THTPA: variants seen among roughly 807,000 people sequenced by gnomAD.
THTPA encodes the protein thiamine-triphosphatase.
Under a neutral mutation model 16.5 loss-of-function variants are expected in THTPA, and 16 were observed. The observed-to-expected ratio is 0.97, with a 90% CI of 0.66 to 1.47. The LOEUF is 1.47. Among genes scored for constraint, THTPA ranks in the 40% most tolerant of loss-of-function variants. The probability of loss-of-function intolerance (pLI) is 0.00; values close to 1 mark genes in which losing one functional copy is unlikely to be tolerated. For missense variants in THTPA, 281 were observed against 280.9 expected, an observed-to-expected ratio of 1.00 and a Z score of 0.00; for synonymous variants, 110 against 115.5, an observed-to-expected ratio of 0.95 and a Z score of 0.30.
At chr14:23,541,993 T>C in the THTPA span, among the ~76,000 whole-genome samples, 182 of 152,140 alleles carry the variant, frequency 1.2e-3, 6 homozygotes, top group Admixed American at 7.2e-4. Flanking sequence ...AGAACGAGTA[T>C]GGCAGGGAAT....
At chr14:23,546,059 G>A in the THTPA span, among the ~76,000 whole-genome samples, 1 of 152,184 alleles carries the variant, frequency 6.6e-6, no homozygotes, top group African/African-American at 2.4e-5. This position sits in a 1 kb window ranked among gnomAD's most constrained non-coding sequence, Gnocchi z 4.7. Context: ...GGAGGCACTA[G>A]GGAAATGTGC....
chr14:23,530,020 G>C, the THTPA span: 2 of 1,227,352 alleles, frequency 1.6e-6, no homozygotes, highest in Middle Eastern at 2.0e-4. Context: ...AATCAGTTTT[G>C]CTCCTTGAGC....
the THTPA span, among the ~76,000 whole-genome samples, chr14:23,516,459 A>T: frequency 6.6e-6 from 1 of 152,200 alleles, no homozygotes; most frequent in Non-Finnish European, 1.5e-5. Flanking sequence ...ACTTGTTAGA[A>T]CAATGATCCT....
At chr14:23,533,565 A>G in the THTPA span, 1 of 1,536,506 alleles carries the variant, frequency 6.5e-7, no homozygotes, top group South Asian at 1.2e-5. The surrounding 1 kb of genome is among the most constrained non-coding windows in gnomAD (Gnocchi z 4.8). Flanking sequence ...CAGAGGTCAT[A>G]TGGATGCGCA....
chr14:23,532,701 C>A, the THTPA span: 1 of 1,532,244 alleles, frequency 6.5e-7, no homozygotes, highest in Non-Finnish European at 8.7e-7. Flanking sequence ...GGAGCCCCAT[C>A]TCCCAGGGAT....
the THTPA span, chr14:23,521,449 T>C: frequency 6.5e-6 from 1 of 154,318 alleles, no homozygotes; most frequent in Non-Finnish European, 1.4e-5. Context: ...AGTGGCGAAG[T>C]TTGTTTTCCT....
Position 23,560,171 on chromosome 14 carries a change from C to A in THTPA, c.*1331C>A. ...CTCCAGATGACTCAATCCCATCTCA[C>A]ACTGTCTCCCACCCACCTCCTCCAC... On this transcript the variant is annotated 3_prime_UTR_variant, in exon 2 of 2. Coordinates refer to ENST00000288014, the MANE Select transcript of THTPA (RefSeq NM_024328.6). 1 of 1,540,104 alleles carries A rather than the reference C, an allele frequency of 6.5e-7. No homozygotes were observed. Among genetic ancestry groups the A allele is most frequent in the South Asian group, 1.2e-5 (1 of 85,030 alleles).
chr14:23,528,653 C>T, the THTPA span: 1 of 985,442 alleles, frequency 1.0e-6, no homozygotes, highest in East Asian at 1.1e-4. Flanking sequence ...GCCAGCTCAT[C>T]CTCCCTCAGG....
the THTPA span, chr14:23,529,622 A>G: frequency 7.7e-7 from 1 of 1,304,216 alleles, no homozygotes; most frequent in Non-Finnish European, 1.1e-6. Flanking sequence ...TCAAAGCATG[A>G]CAAAATTACG....
chr14:23,534,449 C>T, the THTPA span: 3 of 1,536,490 alleles, frequency 2.0e-6, no homozygotes, highest in South Asian at 3.6e-5. The surrounding 1 kb of genome is among the most constrained non-coding windows in gnomAD (Gnocchi z 4.5). Flanking sequence ...AGTTTTGGCT[C>T]CAGAAAGCTT....
At chr14:23,537,748 A>G in the THTPA span, among the ~76,000 whole-genome samples, 1 of 152,160 alleles carries the variant, frequency 6.6e-6, no homozygotes, top group South Asian at 2.1e-4. Context: ...GTTGAGGGAG[A>G]AAGGTATTCC....
the THTPA span, chr14:23,527,913 T>TC: frequency 2.8e-6 from 3 of 1,059,166 alleles, no homozygotes; most frequent in East Asian, 5.2e-5. Context: ...TTTTTTTTTT[T>TC]TTTTTTTTTT....
the THTPA span, among the ~76,000 whole-genome samples, chr14:23,539,236 G>C: frequency 6.6e-6 from 1 of 152,212 alleles, no homozygotes; most frequent in Admixed American, 6.5e-5. Context: ...CTCTTCCTCT[G>C]TCCAGACCCA....
At chr14:23,525,170 A>G in the THTPA span, 5 of 1,536,008 alleles carry the variant, frequency 3.3e-6, no homozygotes, top group Admixed American at 3.9e-5. This position sits in a 1 kb window ranked among gnomAD's most constrained non-coding sequence, Gnocchi z 5.9. Context: ...GCCGGCAGGC[A>G]CCAGGGGAGG....
the THTPA span, chr14:23,532,403 T>A: frequency 3.4e-5 from 27 of 804,160 alleles, no homozygotes; most frequent in South Asian, 1.3e-4. Flanking sequence ...TTTCTCCATG[T>A]CTGTCACTTT....
chr14:23,534,475 C>G, the THTPA span: 1 of 1,536,152 alleles, frequency 6.5e-7, no homozygotes, highest in East Asian at 2.4e-5. This position sits in a 1 kb window ranked among gnomAD's most constrained non-coding sequence, Gnocchi z 4.5. Flanking sequence ...GGCCTTGCAG[C>G]CTTCATCTCC....
chr14:23,554,526 A>G (rs895242480), upstream of THTPA, among the ~76,000 whole-genome samples: 6 of 150,652 alleles, frequency 4.0e-5, no homozygotes, highest in African/African-American at 1.2e-4. Context: ...ACAGGCATGC[A>G]CTACCACACC....
At chr14:23,516,810 C>A in the THTPA span, among the ~76,000 whole-genome samples, 1 of 152,180 alleles carries the variant, frequency 6.6e-6, no homozygotes, top group Non-Finnish European at 1.5e-5. Context: ...GAAATGAGCA[C>A]AGCATGGGTC....
At chr14:23,525,027 C>A in the THTPA span, 1 of 1,536,230 alleles carries the variant, frequency 6.5e-7, no homozygotes, top group Non-Finnish European at 8.7e-7. The surrounding 1 kb of genome is among the most constrained non-coding windows in gnomAD (Gnocchi z 5.9). Flanking sequence ...CACACCACCA[C>A]CACACGGCTA....
Sources: allele counts gnomAD v4.1 joint callset (sites outside exome capture counted in the v4.1 genomes callset), GRCh38; gene constraint gnomAD v4.1.1; non-coding constraint Gnocchi (gnomAD v3.1); transcripts MANE v1.5; gene names NCBI Gene and HGNC (gene_info 2026-07-23, HGNC 2026-07-21).